PARD3: variants seen among roughly 807,000 people sequenced by gnomAD.
The protein encoded by PARD3 is partitioning defective 3 homolog.
A neutral mutation model predicts 155.4 loss-of-function variants in PARD3; 75 were observed. That is an observed-to-expected ratio of 0.48 (90% CI 0.40 to 0.58). PARD3 has a LOEUF of 0.58. PARD3 is among the 20% of genes least tolerant of loss of function. The probability of loss-of-function intolerance (pLI) is 0.00; values close to 1 mark genes in which losing one functional copy is unlikely to be tolerated. For synonymous variants in PARD3, 576 were observed against 610.5 expected, an observed-to-expected ratio of 0.94 and a Z score of 0.83; for missense variants, 1,642 against 1,721.7, an observed-to-expected ratio of 0.95 and a Z score of 0.82.
chr10:34,505,433 C>T (rs1241587034), intron 3 of PARD3, among the ~76,000 whole-genome samples: 1 of 152,162 alleles, frequency 6.6e-6, no homozygotes, highest in Non-Finnish European at 1.5e-5. Context: ...CTGTTCTTCC[C>T]TAAGATTTCA....
chr10:34,309,654 C>G (rs1245414026), intron 20 of PARD3, among the ~76,000 whole-genome samples: 1 of 148,038 alleles, frequency 6.8e-6, no homozygotes, highest in African/African-American at 2.5e-5. Flanking sequence ...CAATGTCCTG[C>G]AAGAGGGAAG....
chr10:34,655,185 G>A (rs1435380612), intron 2 of PARD3, among the ~76,000 whole-genome samples: 1 of 151,542 alleles, frequency 6.6e-6, no homozygotes, highest in Non-Finnish European at 1.5e-5. Context: ...TGAAGACGAG[G>A]TTTGTTCAAA....
chr10:34,281,414 G>A (rs1413699543), intron 21 of PARD3, among the ~76,000 whole-genome samples: 1 of 152,122 alleles, frequency 6.6e-6, no homozygotes, highest in Non-Finnish European at 1.5e-5. Context: ...TTGGTATCAC[G>A]CCCAGACTCC....
chr10:34,207,047 C>T (rs1038071833), intron 22 of PARD3, among the ~76,000 whole-genome samples: 8 of 152,160 alleles, frequency 5.3e-5, no homozygotes, highest in African/African-American at 1.9e-4. Flanking sequence ...CCACCATCTG[C>T]CATGGTGTGT....
At chr10:34,593,439 C>A (rs535426874) in intron 2 of PARD3, among the ~76,000 whole-genome samples, 2 of 152,262 alleles carry the variant, frequency 1.3e-5, no homozygotes, top group South Asian at 4.1e-4. Context: ...ATTCACCAGT[C>A]ACAGAGATAA....
chr10:34,721,055 G>C (rs2094599378), intron 1 of PARD3, among the ~76,000 whole-genome samples: 1 of 152,076 alleles, frequency 6.6e-6, no homozygotes, highest in Non-Finnish European at 1.5e-5. Context: ...ATTCCAGAAA[G>C]GCAATAGAAG....
Position 34,353,720 on chromosome 10 carries a change from TAAATAAAA to T in PARD3, c.2067+5419_2067+5426del, listed in dbSNP as rs1372930850. Among the ~76,000 whole-genome samples the T allele has an allele frequency of 4.0e-3, 333 of 82,514 alleles. 2 individuals carry two copies. The highest frequency in any genetic ancestry group is 0.019 in the African/African-American group (74 of 3,800). The allele number at this position is 82,514 out of a possible 152,430, so 54.1% of individuals were successfully genotyped here. A position where few individuals can be genotyped will look rare whatever the true frequency, so the allele number is the denominator to read the frequency against. The stretch of plus-strand genomic sequence containing the variant: ...CACCCAAGAATGATCAATAAATAAA[TAAATAAAA>T]AAATAAATAAATAAATAAATAAAAT... On this transcript the variant is annotated intron_variant, in intron 14 of 24. Coordinates refer to ENST00000374788, the MANE Select transcript of PARD3 (RefSeq NM_001184785.2).
intron 2 of PARD3, among the ~76,000 whole-genome samples, chr10:34,591,446 A>C (rs1249636533): frequency 6.6e-6 from 1 of 152,186 alleles, no homozygotes; most frequent in Non-Finnish European, 1.5e-5. Flanking sequence ...CCACATGTCG[A>C]ACATTCTAAA....
intron 7 of PARD3, among the ~76,000 whole-genome samples, chr10:34,393,594 G>A (rs1395256138): frequency 6.6e-6 from 1 of 151,320 alleles, no homozygotes; most frequent in African/African-American, 2.4e-5. Context: ...AAAAGATCCA[G>A]AGAAGAAAAC....
chr10:34,191,603 A>T (rs528946861), intron 22 of PARD3, among the ~76,000 whole-genome samples: 1 of 131,880 alleles, frequency 7.6e-6, no homozygotes, highest in Admixed American at 8.8e-5. Context: ...ATGCTTTTCA[A>T]TTCACAGTCC....
intron 14 of PARD3, among the ~76,000 whole-genome samples, chr10:34,358,415 AAGG>A (rs1430462022): frequency 1.9e-4 from 29 of 152,214 alleles, no homozygotes; most frequent in Non-Finnish European, 2.9e-5. Context: ...ATCACTGAAA[AAGG>A]AGGCATTCTA....
intron 5 of PARD3, among the ~76,000 whole-genome samples, chr10:34,444,270 C>T (rs184029409): frequency 6.6e-6 from 1 of 152,326 alleles, no homozygotes; most frequent in Non-Finnish European, 1.5e-5. Context: ...GTCCCTCTAC[C>T]TTCTGGTCCT....
intron 2 of PARD3, among the ~76,000 whole-genome samples, chr10:34,667,758 A>C (rs2093522417): frequency 1.3e-5 from 2 of 152,246 alleles, no homozygotes; most frequent in Admixed American, 6.5e-5. Flanking sequence ...ATTAAGCAGA[A>C]TATAAATATC....
At chr10:34,641,947 G>C (rs760288614) in intron 2 of PARD3, among the ~76,000 whole-genome samples, 1 of 152,122 alleles carries the variant, frequency 6.6e-6, no homozygotes, top group African/African-American at 2.4e-5. Context: ...TGCTTGACTA[G>C]AAACTCCCAG....
rs534343169 is a variant in PARD3 at position 34,500,230 on chromosome 10, T to C, written c.403+16749A>G. On this transcript the variant is annotated intron_variant, in intron 3 of 24. Transcript: ENST00000374788. Reference sequence around the variant, plus strand: ...GAAGAAGCTACAAAATAAAGCAGAATGTAGGACACACATAAAACTAGAAAA... The same window carrying C: ...GAAGAAGCTACAAAATAAAGCAGAACGTAGGACACACATAAAACTAGAAAA... Among the ~76,000 whole-genome samples the C allele has an allele frequency of 3.9e-5, 6 of 152,350 alleles. No homozygotes were observed. In the East Asian group the frequency reaches 7.7e-4, roughly 20 times the overall value.
At position 34,382,706 on chromosome 10, in the gene PARD3, C is replaced by T. The variant is rs747043266; in HGVS notation, c.1233G>A (p.Pro411=). The T allele has an allele frequency of 4.4e-5, 71 of 1,614,030 alleles. No individual in the cohort carries two copies. The highest frequency in any genetic ancestry group is 5.0e-5 in the Non-Finnish European group (59 of 1,180,022). Residue 411 remains proline (P), a synonymous_variant, in exon 9 of 25, where the codon CCG becomes CCA. Transcript: ENST00000374788. ...TVQRAPRLNH[P]PEQIDSHSRL... is the part of the protein sequence containing the mutation. The stretch of plus-strand genomic sequence containing the variant: ...TTGAGTGAGAGTCTATCTGCTCAGG[C>T]GGGTGGTTCAGTCGGGGTGCTCTCT...
At chr10:34,774,640 A>C (rs539221236) in intron 1 of PARD3, among the ~76,000 whole-genome samples, 1 of 152,382 alleles carries the variant, frequency 6.6e-6, no homozygotes, top group African/African-American at 2.4e-5. Context: ...GAACTAATTT[A>C]TAATTTAAAA....
chr10:34,383,027 T>A (rs990037482), intron 8 of PARD3, 105 bp from the exon 9 acceptor site: 3 of 1,297,320 alleles, frequency 2.3e-6, no homozygotes, highest in Non-Finnish European at 3.2e-6. Flanking sequence ...ACTGACAGGC[T>A]GTTGAAATTG....
chr10:34,398,034 A>G (rs1354961200), intron 7 of PARD3, among the ~76,000 whole-genome samples: 1 of 152,232 alleles, frequency 6.6e-6, no homozygotes, highest in Admixed American at 6.5e-5. Context: ...AAAGTTAAAA[A>G]AAGAATTTTA....
Sources: allele counts gnomAD v4.1 joint callset (sites outside exome capture counted in the v4.1 genomes callset), GRCh38; gene constraint gnomAD v4.1.1; transcripts MANE v1.5; gene names NCBI Gene and HGNC (gene_info 2026-07-23, HGNC 2026-07-21).